TMPRSS9: variants seen among roughly 807,000 people sequenced by gnomAD.
The protein encoded by TMPRSS9 is transmembrane serine protease 9.
Under a neutral mutation model 111.4 loss-of-function variants are expected in TMPRSS9, and 113 were observed. The ratio of observed to expected loss-of-function variants is 1.01; its 90% CI spans 0.87 to 1.19. The LOEUF is 1.19. Ranked by LOEUF, TMPRSS9 falls within the 50% of genes most tolerant of loss-of-function variation. The probability of loss-of-function intolerance (pLI) is 0.00; values close to 1 mark genes in which losing one functional copy is unlikely to be tolerated. For synonymous variants in TMPRSS9, 805 were observed against 659.1 expected (o/e 1.22, Z -3.39); for missense variants, 1,803 against 1,513.1 (o/e 1.19, Z -3.18).
chr19:2,373,408 T>C (rs1970305375), intron 1 of TMPRSS9, among the ~76,000 whole-genome samples: 1 of 151,666 alleles, frequency 6.6e-6, no homozygotes, highest in Non-Finnish European at 1.5e-5. Context: ...TTTTGTATTT[T>C]TAGTAGAGAT....
At chr19:2,418,308 TCCCTCCCTCCCTCCCTCCCTC>T (rs1390605676) in intron 13 of TMPRSS9, among the ~76,000 whole-genome samples, 170 bp downstream of exon 14, 1 of 19,880 alleles carries the variant, frequency 5.0e-5, no homozygotes, top group African/African-American at 6.5e-4. Context: ...TCCCTCCCTT[TCCCTCCCTCCCTCCCTCCCTC>T]CCTTTCCTTC....
At chr19:2,391,392 A>T (rs76777162) in intron 1 of TMPRSS9, among the ~76,000 whole-genome samples, 96,424 of 140,590 alleles carry the variant, frequency 0.69, 32,290 homozygotes, top group South Asian at 0.77. Flanking sequence ...TTTTTTTTAA[A>T]AAATATTTGT....
chr19:2,379,732 C>T (rs993336270), intron 1 of TMPRSS9, among the ~76,000 whole-genome samples: 5 of 141,350 alleles, frequency 3.5e-5, no homozygotes, highest in Admixed American at 3.0e-4. Flanking sequence ...TTTTCTCTTT[C>T]TCTCTCTCTC....
rs1599304147 is a variant in TMPRSS9 at position 2,410,435 on chromosome 19, T to C, written c.1254+41T>C. The C allele has an allele frequency of 5.6e-6, 9 of 1,607,658 alleles. No homozygotes were observed. The East Asian group carries it at 1.8e-4, about 32-fold the overall frequency. On this transcript the variant is annotated intron_variant, in intron 9 of 17. Transcript: ENST00000648592. The stretch of plus-strand genomic sequence containing the variant: ...CCCAGACCCCAGAAAAACACAGAAA[T>C]AGACACGAGCATGTTCAAATGCTGA...
chr19:2,361,532 T>C (rs1018011420), intron 1 of TMPRSS9, among the ~76,000 whole-genome samples: 1 of 152,018 alleles, frequency 6.6e-6, no homozygotes, highest in African/African-American at 2.4e-5. Flanking sequence ...GGGTGGGTTG[T>C]TGGTATTTGC....
At position 2,418,305 on chromosome 19, in the gene TMPRSS9, CT is replaced by C. The variant is rs1466560197; in HGVS notation, c.2154+170del. ...TTCCTTTCCTCCTTTCCTTCCCTCC[CT>C]TTCCCTCCCTCCCTCCCTCCCTCCC... On this transcript the variant is annotated intron_variant, in intron 13 of 17. Transcript: ENST00000648592. Among the ~76,000 whole-genome samples, 13 of 65,040 alleles carry C rather than the reference CT, an allele frequency of 2.0e-4. 1 individual carries two copies. The highest frequency in any genetic ancestry group is 6.5e-4 in the African/African-American group (5 of 7,666). 42.7% of individuals were successfully genotyped at this position (65,040 alleles called of 152,430 possible). A position where few individuals can be genotyped will look rare whatever the true frequency, so the allele number is the denominator to read the frequency against.
In TMPRSS9 at chr19:2,418,363, C is replaced by G. The variant is rs1399746900; in HGVS notation, c.2154+225C>G. ...TCCCTCCCTTTCCCTCCCTCCCTCCCTTCCCTTCCCTCCCTCCCTTTCCTT... is the reference window on the plus strand; with the variant it reads ...TCCCTCCCTTTCCCTCCCTCCCTCCGTTCCCTTCCCTCCCTCCCTTTCCTT... On this transcript the variant is annotated intron_variant, in intron 13 of 17. Coordinates refer to ENST00000648592, the Ensembl canonical transcript of TMPRSS9. Among the ~76,000 whole-genome samples the G allele has an allele frequency of 3.4e-4, 22 of 65,046 alleles. 1 individual carries two copies. The highest frequency in any genetic ancestry group is 1.1e-3 in the African/African-American group (14 of 12,980). 42.7% of individuals were successfully genotyped at this position (65,046 alleles called of 152,430 possible).
intron 1 of TMPRSS9, among the ~76,000 whole-genome samples, 186 bp downstream of exon 1, chr19:2,360,546 T>A (rs1789095581): frequency 6.6e-6 from 1 of 152,040 alleles, no homozygotes; most frequent in African/African-American, 2.4e-5. Flanking sequence ...CAGCCGGGGC[T>A]GTGTGGACGC....
chr19:2,413,042 G>T (rs985510067), intron 9 of TMPRSS9, among the ~76,000 whole-genome samples: 1 of 151,794 alleles, frequency 6.6e-6, no homozygotes, highest in Non-Finnish European at 1.5e-5. Context: ...AAAAATACAA[G>T]AAATTAGCCG....
In TMPRSS9 at chr19:2,424,985, C is replaced by A; in HGVS notation, c.2718-17C>A. On this transcript the variant is annotated splice_polypyrimidine_tract_variant and intron_variant, in intron 15 of 17. Coordinates refer to ENST00000648592, the Ensembl canonical transcript of TMPRSS9. ...CGTGGGGGCTCGGGCCGACGCCTGT[C>A]CTCGCGCGCCCCGCAGCTACGGGGA... 6.7e-7 allele frequency: 1 copy of A among 1,499,806 alleles called. No individual in the cohort carries two copies. Among genetic ancestry groups the A allele is most frequent in the South Asian group, 1.2e-5 (1 of 80,696 alleles). 92.9% of individuals were successfully genotyped at this position (1,499,806 alleles called of 1,614,324 possible).
At chr19:2,396,809 AG>A in intron 2 of TMPRSS9, 143 bp downstream of exon 3, 2 of 1,265,202 alleles carry the variant, frequency 1.6e-6, no homozygotes, top group Non-Finnish European at 1.1e-6. Flanking sequence ...AGGCCAGGCC[AG>A]GGGGCGGGCA....
chr19:2,392,290 G>C (rs1970614734), intron 1 of TMPRSS9, among the ~76,000 whole-genome samples: 1 of 152,188 alleles, frequency 6.6e-6, no homozygotes, highest in African/African-American at 2.4e-5. Context: ...CTACTCGGGA[G>C]ACTGAGGTGG....
chr19:2,408,287 A>G, intron 7 of TMPRSS9, 69 bp from the exon 9 acceptor site: 2 of 1,517,424 alleles, frequency 1.3e-6, no homozygotes, highest in African/African-American at 1.4e-5. Context: ...ACCCAAGGCG[A>G]GTGTCCCGTC....
At chr19:2,412,528 G>T (rs1188603950) in intron 9 of TMPRSS9, among the ~76,000 whole-genome samples, 1 of 152,152 alleles carries the variant, frequency 6.6e-6, no homozygotes, top group Non-Finnish European at 1.5e-5. Flanking sequence ...CCTTTCAAGG[G>T]ACCAAAGACC....
chr19:2,381,851 CATTT>C (rs1180441986), intron 1 of TMPRSS9, among the ~76,000 whole-genome samples: 1 of 152,126 alleles, frequency 6.6e-6, no homozygotes, highest in African/African-American at 2.4e-5. Flanking sequence ...TTCATTCATT[CATTT>C]ATTTTGAGAC....
chr19:2,373,270 G>A (rs1196136940), intron 1 of TMPRSS9, among the ~76,000 whole-genome samples: 3 of 151,794 alleles, frequency 2.0e-5, no homozygotes, highest in Non-Finnish European at 4.4e-5. Flanking sequence ...TCACTCTGTC[G>A]CCCAGGCCGG....
chr19:2,403,264 C>T, intron 6 of TMPRSS9, 69 bp downstream of exon 7: 1 of 1,279,676 alleles, frequency 7.8e-7, no homozygotes, highest in African/African-American at 1.5e-5. Flanking sequence ...TGGCTCTGGT[C>T]TGTGGTCACT....
intron 1 of TMPRSS9, among the ~76,000 whole-genome samples, chr19:2,382,100 C>G (rs1005555793): frequency 6.6e-6 from 1 of 152,202 alleles, no homozygotes; most frequent in African/African-American, 2.4e-5. Context: ...CTCAGCCTCC[C>G]AGACTGTTGG....
chr19:2,408,475 A>G, exon 8 of TMPRSS9: 1 of 1,613,910 alleles, frequency 6.2e-7, no homozygotes, highest in Non-Finnish European at 8.5e-7. Flanking sequence ...TACAACGCGG[A>G]CACGGCCGAC....
Sources: gnomAD v4.1 joint callset for allele counts (sites outside exome capture counted in the v4.1 genomes callset) on GRCh38, gnomAD v4.1.1 for gene constraint, MANE v1.5 for transcripts, NCBI Gene and HGNC (gene_info 2026-07-23, HGNC 2026-07-21) for gene names.